The following IBTK variants were observed in gnomAD, a reference collection of about 807,000 sequenced individuals.
The protein encoded by IBTK is BTK-binding protein.
A neutral mutation model predicts 154.9 loss-of-function variants in IBTK; 83 were observed. The observed-to-expected ratio is 0.54, with a 90% CI of 0.45 to 0.64. IBTK has a LOEUF of 0.64. Ranked by LOEUF, IBTK falls within the 30% of genes least tolerant of loss-of-function variation. The pLI, the probability that IBTK is intolerant of heterozygous loss-of-function variation, is 0.00. For synonymous variants in IBTK, 515 were observed against 536.1 expected, an observed-to-expected ratio of 0.96 and a Z score of 0.54; for missense variants, 1,332 against 1,584.6, an observed-to-expected ratio of 0.84 and a Z score of 2.71.
chr6:82,199,036 C>T (rs189268841), intron 21 of IBTK, among the ~76,000 whole-genome samples: 34 of 151,808 alleles, frequency 2.2e-4, no homozygotes, highest in African/African-American at 6.8e-4. Flanking sequence ...AAACATTTGT[C>T]AACAATTAGG....
At chr6:82,224,282 G>T in intron 6 of IBTK, 97 bp from the exon 7 acceptor site, 1 of 828,266 alleles carries the variant, frequency 1.2e-6, no homozygotes, top group Non-Finnish European at 2.0e-6. Context: ...TGGTATACTT[G>T]CTGTTAGTGG....
chr6:82,231,251 A>G lies in IBTK; in HGVS notation c.543+467T>C, dbSNP rs575791887. 2.1e-4 allele frequency among the ~76,000 whole-genome samples: 32 copies of G among 152,274 alleles called. 1 individual carries two copies. The East Asian group carries it at 6.2e-3, about 29-fold the overall frequency. On this transcript the variant is annotated intron_variant, in intron 4 of 28. Coordinates refer to ENST00000306270, the MANE Select transcript of IBTK (RefSeq NM_015525.4). ...TGGAACCTAAAAACATTATTTTGTT[A>G]CAAAAAATTGCAAGAAGTGTGTTGT...
chr6:82,210,681 T>G (rs1002286617), intron 16 of IBTK, 133 bp downstream of exon 16: 8 of 329,968 alleles, frequency 2.4e-5, no homozygotes, highest in Admixed American at 4.8e-5. Context: ...AAAAATAAAT[T>G]AAATATTTTA....
chr6:82,230,226 G>C (rs1161821892), intron 4 of IBTK, among the ~76,000 whole-genome samples: 1 of 152,124 alleles, frequency 6.6e-6, no homozygotes, highest in Non-Finnish European at 1.5e-5. Context: ...CAGTACTATA[G>C]TGATAAAAAC....
intron 16 of IBTK, among the ~76,000 whole-genome samples, chr6:82,207,661 C>T (rs1273813667): frequency 2.6e-5 from 4 of 152,102 alleles, no homozygotes; most frequent in African/African-American, 4.8e-5. Flanking sequence ...AGTAGGAAAA[C>T]TCACATTTCC....
rs530649850 is a variant in IBTK, at chr6:82,242,880, T to C, written c.-357-2037A>G. ...TGAACCCAGGAGGTGGAGGCTGCAG[T>C]GAGCCGAGATCCCGCCACCGCACTC... On this transcript the variant is annotated intron_variant, in intron 1 of 28. Coordinates refer to ENST00000306270, the MANE Select transcript of IBTK (RefSeq NM_015525.4). Among the ~76,000 whole-genome samples, 10 of 150,864 alleles carry C rather than the reference T, an allele frequency of 6.6e-5. No homozygotes were observed. In the East Asian group the frequency reaches 2.0e-3, roughly 30 times the overall value.
At chr6:82,210,130 A>G (rs9361901) in intron 16 of IBTK, among the ~76,000 whole-genome samples, 34,958 of 151,972 alleles carry the variant, frequency 0.23, 4,033 homozygotes, top group South Asian at 0.25. Context: ...TACATAAATG[A>G]CCTCTCTTCA....
intron 25 of IBTK, among the ~76,000 whole-genome samples, chr6:82,184,362 G>A (rs533891036): frequency 6.6e-6 from 1 of 152,184 alleles, no homozygotes; most frequent in South Asian, 2.1e-4. Context: ...TTAAATAATT[G>A]AAATTGTTTT....
chr6:82,211,096 G>A (rs1769619693), intron 15 of IBTK, among the ~76,000 whole-genome samples, 186 bp from the exon 16 acceptor site: 1 of 151,824 alleles, frequency 6.6e-6, no homozygotes, highest in Admixed American at 6.6e-5. Flanking sequence ...CATGAAAAAG[G>A]AACAAAAAAA....
intron 24 of IBTK, chr6:82,191,532 G>A (rs1247940686): frequency 1.7e-6 from 1 of 579,522 alleles, no homozygotes; most frequent in Non-Finnish European, 3.1e-6. Context: ...GTAGCCAATA[G>A]TCCACAATGA....
intron 21 of IBTK, among the ~76,000 whole-genome samples, chr6:82,199,130 A>G (rs921543092): frequency 1.3e-5 from 2 of 152,216 alleles, no homozygotes; most frequent in Non-Finnish European, 2.9e-5. Flanking sequence ...GTGGTTGTGT[A>G]GAAGAGTATT....
chr6:82,239,705 T>C (rs1289447154), intron 2 of IBTK, among the ~76,000 whole-genome samples: 1 of 145,900 alleles, frequency 6.9e-6, no homozygotes, highest in East Asian at 2.0e-4. Flanking sequence ...ATTTTCTTTG[T>C]CTTTATTCTG....
intron 25 of IBTK, among the ~76,000 whole-genome samples, chr6:82,187,046 G>A (rs1768582217): frequency 1.3e-5 from 2 of 151,038 alleles, no homozygotes; most frequent in Non-Finnish European, 2.9e-5. Context: ...CTCCCAAGTA[G>A]CTGGGATTAC....
chr6:82,194,215 C>A (rs1562079938), intron 23 of IBTK, among the ~76,000 whole-genome samples: 1 of 151,992 alleles, frequency 6.6e-6, no homozygotes, highest in Non-Finnish European at 1.5e-5. Context: ...ACTACTGATA[C>A]TAAGTTTCTC....
chr6:82,194,406 A>T (rs1360818036), intron 23 of IBTK, 73 bp downstream of exon 23: 1 of 1,021,396 alleles, frequency 9.8e-7, no homozygotes, highest in Non-Finnish European at 1.3e-6. Flanking sequence ...GTTCATCATT[A>T]AAAAATTAAA....
At chr6:82,194,364 G>A (rs1423440576) in intron 23 of IBTK, 115 bp downstream of exon 23, 2 of 828,846 alleles carry the variant, frequency 2.4e-6, no homozygotes, top group Non-Finnish European at 3.4e-6. Flanking sequence ...AATTTTCTGT[G>A]CATTAGAAAT....
At chr6:82,207,262 A>G (rs921747723) in intron 16 of IBTK, among the ~76,000 whole-genome samples, 2 of 152,224 alleles carry the variant, frequency 1.3e-5, no homozygotes, top group Non-Finnish European at 2.9e-5. Flanking sequence ...AGATCAATAT[A>G]CAAAAATCAA....
At chr6:82,175,958 G>C (rs145667794) in intron 26 of IBTK, among the ~76,000 whole-genome samples, 2,396 of 152,010 alleles carry the variant, frequency 0.016, 58 homozygotes, top group African/African-American at 0.054. Context: ...GAACCCAGGA[G>C]GCAGAGGTTG....
intron 28 of IBTK, 34 bp from the exon 29 acceptor site, chr6:82,171,590 C>T (rs1394067214): frequency 6.5e-7 from 1 of 1,542,158 alleles, no homozygotes; most frequent in South Asian, 1.2e-5. Context: ...ACTCTTTACT[C>T]TTTTAATTAT....
Sources: allele counts gnomAD v4.1 joint callset (sites outside exome capture counted in the v4.1 genomes callset), GRCh38; gene constraint gnomAD v4.1.1; transcripts MANE v1.5; gene names NCBI Gene and HGNC (gene_info 2026-07-23, HGNC 2026-07-21).